Variants in DPP6 observed in about 807,000 individuals in gnomAD.
DPP6 encodes dipeptidyl peptidase like 6, also known as A-type potassium channel modulatory protein DPP6.
Under a neutral mutation model 122.6 loss-of-function variants are expected in DPP6, and 69 were observed. The observed-to-expected ratio is 0.56, with a 90% CI of 0.46 to 0.69. DPP6 has a LOEUF of 0.69. Among genes scored for constraint, DPP6 ranks in the 30% least tolerant of loss-of-function variants. The pLI is 0.00. For synonymous variants in DPP6, 418 were observed against 433.1 expected (o/e 0.97, Z 0.43); for missense variants, 928 against 1,116.9 (o/e 0.83, Z 2.41).
chr7:154,270,194 C>T (rs1411712410), intron 1 of DPP6, among the ~76,000 whole-genome samples: 2 of 152,026 alleles, frequency 1.3e-5, no homozygotes, highest in African/African-American at 4.8e-5. Flanking sequence ...AATCATTAAG[C>T]GTATTTAATC....
upstream of DPP6, among the ~76,000 whole-genome samples, chr7:153,884,190 G>A (rs758045382): frequency 2.6e-5 from 4 of 152,074 alleles, no homozygotes; most frequent in Admixed American, 6.5e-5. Flanking sequence ...GCCCCAGTGT[G>A]TGATGTTCCC....
At chr7:153,829,093 C>T in the DPP6 span, among the ~76,000 whole-genome samples, 11 of 152,272 alleles carry the variant, frequency 7.2e-5, no homozygotes, top group Non-Finnish European at 1.3e-4. Flanking sequence ...GGCCCAGGAG[C>T]CAGTGTAGAA....
Position 154,669,456 on chromosome 7 carries a change from T to G in DPP6, c.762+15T>G. 8.4e-6 allele frequency: 13 copies of G among 1,550,918 alleles called. No homozygotes were observed. Among genetic ancestry groups the G allele is most frequent in the Non-Finnish European group, 1.1e-5 (13 of 1,147,044 alleles). On this transcript the variant is annotated intron_variant, in intron 7 of 25. Transcript: ENST00000377770. ...GCCAACAGCTGGTAAGCCAATCAAG[T>G]TCAGTAACTATACTTGGGTTTTGAG...
intron 17 of DPP6, among the ~76,000 whole-genome samples, chr7:154,866,933 C>T (rs905616636): frequency 5.9e-5 from 9 of 151,274 alleles, no homozygotes; most frequent in African/African-American, 1.2e-4. Flanking sequence ...TAGTTATGGG[C>T]GGTCATTTGA....
chr7:154,453,395 G>T (rs998797547), intron 2 of DPP6, among the ~76,000 whole-genome samples: 1 of 152,010 alleles, frequency 6.6e-6, no homozygotes, highest in African/African-American at 2.4e-5. Flanking sequence ...TTACTTTTAC[G>T]GAATTAAAAT....
chr7:154,014,594 G>A (rs1195190511), intron 1 of DPP6, among the ~76,000 whole-genome samples: 3 of 151,962 alleles, frequency 2.0e-5, no homozygotes, highest in Non-Finnish European at 2.9e-5. Context: ...CCTGGGAGAC[G>A]GAGGTTGTAG....
intron 1 of DPP6, among the ~76,000 whole-genome samples, chr7:154,355,678 A>G (rs947617163): frequency 2.6e-5 from 4 of 152,300 alleles, no homozygotes; most frequent in African/African-American, 4.8e-5. Context: ...TGACAGGTGG[A>G]TCTAGTTTTG....
chr7:154,129,386 G>A (rs900183100), intron 1 of DPP6, among the ~76,000 whole-genome samples: 33 of 152,296 alleles, frequency 2.2e-4, no homozygotes, highest in African/African-American at 7.9e-4. Flanking sequence ...TTCATTTTTA[G>A]AGGACAGAGC....
chr7:154,574,736 GGTGT>G (rs1194814489), intron 5 of DPP6, among the ~76,000 whole-genome samples: 22 of 143,168 alleles, frequency 1.5e-4, no homozygotes, highest in East Asian at 6.6e-4. Flanking sequence ...GTACGTGTGT[GGTGT>G]GTGTATGTGT....
At chr7:154,337,920 G>A (rs949951236) in intron 1 of DPP6, among the ~76,000 whole-genome samples, 8 of 152,158 alleles carry the variant, frequency 5.3e-5, no homozygotes, top group Admixed American at 1.3e-4. Flanking sequence ...ACCTTCTTGC[G>A]CGTAAGCCTG....
At chr7:154,346,159 G>A (rs540413268) in intron 1 of DPP6, among the ~76,000 whole-genome samples, 36 of 152,192 alleles carry the variant, frequency 2.4e-4, no homozygotes, top group Admixed American at 1.5e-3. Flanking sequence ...AATTATTTGC[G>A]AGTATATCTC....
chr7:154,496,677 A>G (rs1824767622), intron 3 of DPP6, among the ~76,000 whole-genome samples: 1 of 152,206 alleles, frequency 6.6e-6, no homozygotes, highest in Admixed American at 6.5e-5. Flanking sequence ...GATCTGCCCC[A>G]TCGTTACCAT....
In DPP6 at chr7:154,755,378, G is replaced by T. The variant is rs2131483193; in HGVS notation, c.884-14039G>T. ...GGTTGTCATGGGAGACAGGTGAGGA[G>T]ACTGGAGACAGGCAGGTGCAGAAAT... On this transcript the variant is annotated intron_variant, in intron 8 of 25. Transcript: ENST00000377770. This position sits in a 1 kb window ranked among gnomAD's most constrained non-coding sequence, Gnocchi z 4.7. 6.6e-6 allele frequency among the ~76,000 whole-genome samples: 1 copy of T among 152,254 alleles called. No individual in the cohort carries two copies. Among genetic ancestry groups the T allele is most frequent in the South Asian group, 2.1e-4 (1 of 4,814 alleles).
chr7:154,262,491 A>G (rs550174556), intron 1 of DPP6, among the ~76,000 whole-genome samples: 1 of 152,226 alleles, frequency 6.6e-6, no homozygotes, highest in South Asian at 2.1e-4. Context: ...AGCCAGGGAG[A>G]GAGGCCTCAG....
Position 154,892,573 on chromosome 7 carries a change from GGC to G in DPP6, c.*95_*96del. ...CCTCCCTCTTCCCTCGGAGGGGCGG[GGC>G]GGGGCGGGGCCGGGTGTTCCATAGC... is the stretch of plus-strand genomic sequence containing the variant. On this transcript the variant is annotated 3_prime_UTR_variant, in exon 26 of 26. Transcript: ENST00000377770. 3 of 1,564,014 alleles carry G rather than the reference GGC, an allele frequency of 1.9e-6. No homozygotes were observed. Among genetic ancestry groups the G allele is most frequent in the Non-Finnish European group, 2.6e-6 (3 of 1,154,100 alleles).
intron 3 of DPP6, among the ~76,000 whole-genome samples, chr7:154,478,519 T>A (rs996814389): frequency 2.6e-5 from 4 of 152,154 alleles, no homozygotes; most frequent in Non-Finnish European, 5.9e-5. Context: ...GGGTGTTTAC[T>A]GTGTCTTAAG....
chr7:154,501,430 T>C (rs1825234048), intron 3 of DPP6, among the ~76,000 whole-genome samples: 1 of 152,076 alleles, frequency 6.6e-6, no homozygotes. Context: ...ACAAAGTGGT[T>C]TGGTGGACTG....
chr7:153,891,851 C>T (rs1333175731), intron 1 of DPP6, among the ~76,000 whole-genome samples: 2 of 152,158 alleles, frequency 1.3e-5, no homozygotes, highest in South Asian at 2.1e-4. Flanking sequence ...TGTGCAGGCC[C>T]ATGGTGACTA....
At chr7:154,313,697 ATATATATATATATAT>A (rs1807125103) in intron 1 of DPP6, among the ~76,000 whole-genome samples, 2 of 25,342 alleles carry the variant, frequency 7.9e-5, no homozygotes, top group Non-Finnish European at 1.4e-4. Flanking sequence ...ATATATATAT[ATATATATATATATAT>A]ATACACACAC....
Sources: gnomAD v4.1 joint callset for allele counts (sites outside exome capture counted in the v4.1 genomes callset) on GRCh38, gnomAD v4.1.1 for gene constraint, Gnocchi (gnomAD v3.1) non-coding constraint, MANE v1.5 for transcripts, NCBI Gene and HGNC (gene_info 2026-07-23, HGNC 2026-07-21) for gene names.